The following KLHL11 variants were observed in gnomAD, a reference collection of about 807,000 sequenced individuals.
KLHL11 encodes the protein kelch-like protein 11.
Under a neutral mutation model 56.1 loss-of-function variants are expected in KLHL11, and 26 were observed. That is an observed-to-expected ratio of 0.46 (90% confidence interval 0.34 to 0.64). The LOEUF is 0.64. KLHL11 is among the 30% of genes least tolerant of loss of function. KLHL11 has a pLI of 0.01. For missense variants in KLHL11, 627 were observed against 919.4 expected, an observed-to-expected ratio of 0.68 and a Z score of 4.11; for synonymous variants, 338 against 345.8, an observed-to-expected ratio of 0.98 and a Z score of 0.25.
chr17:41,858,669 G>A (rs1343588365), intron 1 of KLHL11, among the ~76,000 whole-genome samples: 4 of 152,012 alleles, frequency 2.6e-5, no homozygotes, highest in Non-Finnish European at 4.4e-5. Context: ...CTTCACCTCA[G>A]GTGATCCACC....
Position 41,851,632 on chromosome 17 carries a change from G to A in KLHL11, c.*2108C>T, listed in dbSNP as rs2048332725. ...AAAAAAAAAGTTATTTTGAGGCCGG[G>A]CGTGGTGGCTCACACCTAATCCTAG... On this transcript the variant is annotated 3_prime_UTR_variant, in exon 2 of 2. Transcript: ENST00000319121. 1.3e-5 allele frequency among the ~76,000 whole-genome samples: 2 copies of A among 151,816 alleles called. No individual in the cohort carries two copies. Among genetic ancestry groups the A allele is most frequent in the African/African-American group, 4.8e-5 (2 of 41,296 alleles).
chr17:41,863,097 C>T (rs2048414739), intron 1 of KLHL11, among the ~76,000 whole-genome samples: 3 of 152,032 alleles, frequency 2.0e-5, no homozygotes, highest in South Asian at 2.1e-4. Context: ...CCTCCTCAAT[C>T]GAAGCCTCCA....
chr17:41,858,103 C>T (rs1410846192), intron 1 of KLHL11, among the ~76,000 whole-genome samples: 2 of 152,112 alleles, frequency 1.3e-5, no homozygotes, highest in African/African-American at 4.8e-5. Context: ...CAGGCGTGAG[C>T]CACCACGCCC....
In KLHL11 at chr17:41,855,182, G is replaced by A. The variant is rs782140890; in HGVS notation, c.685C>T (p.Arg229Trp). 3.1e-6 allele frequency: 5 copies of A among 1,614,050 alleles called. No homozygotes were observed. Among genetic ancestry groups the A allele is most frequent in the South Asian group, 1.1e-5 (1 of 91,076 alleles). ...QLALKAADMI[R>W]RNFHKVIQDE... is the part of the protein sequence containing the mutation. ...TGAATCACTTTGTGGAAATTTCTCC[G>A]TATCATATCAGCAGCCTTCAGAGCA... The change falls in exon 2 of 2, where the codon CGG becomes TGG. Residue 229 changes from arginine (R) to tryptophan (W), a missense_variant. Arg to Trp is a moderately radical substitution (Grantham distance 101). This residue lies in a region of KLHL11 where 150 missense variants were observed against 215.7 expected (regional missense o/e 0.70). Transcript: ENST00000319121.
At chr17:41,859,679 C>T (rs1232793927) in intron 1 of KLHL11, among the ~76,000 whole-genome samples, 3 of 152,054 alleles carry the variant, frequency 2.0e-5, no homozygotes, top group Non-Finnish European at 4.4e-5. Context: ...AACCTGGGGT[C>T]AGAGGTTGCA....
In KLHL11 at chr17:41,853,859, G is replaced by C; in HGVS notation, c.2008C>G (p.Gln670Glu). ...RIPYRYLHGT[Q>E]RYPMPQNLMW... ...AGGTTTTGAGGCATAGGGTATCTCT[G>C]TGTGCCATGCAAGTACCGGTATGGG... The change falls in exon 2 of 2, where the codon CAG becomes GAG. Residue 670 changes from glutamine (Q) to glutamate (E), a missense_variant. Coordinates refer to ENST00000319121, the MANE Select transcript of KLHL11 (RefSeq NM_018143.3). 6.2e-7 allele frequency: 1 copy of C among 1,614,144 alleles called. No individual in the cohort carries two copies. The highest frequency in any genetic ancestry group is 8.5e-7 in the Non-Finnish European group (1 of 1,180,036).
At chr17:41,862,561 T>C (rs1300004477) in intron 1 of KLHL11, among the ~76,000 whole-genome samples, 9 of 152,040 alleles carry the variant, frequency 5.9e-5, no homozygotes, top group African/African-American at 2.2e-4. Context: ...ATTACTGGCG[T>C]GAGCCACCGC....
rs560312601 is a variant in KLHL11, at chr17:41,863,866, T to C, written c.545+960A>G. Among the ~76,000 whole-genome samples the C allele has an allele frequency of 1.1e-3, 162 of 150,326 alleles. 1 individual carries two copies. Among genetic ancestry groups the C allele is most frequent in the African/African-American group, 3.7e-3 (151 of 41,114 alleles). On this transcript the variant is annotated intron_variant, in intron 1 of 1. Coordinates refer to ENST00000319121, the MANE Select transcript of KLHL11 (RefSeq NM_018143.3). ...GAAAACACTTCCTCTCCCCCAGCAG[T>C]TTCTATGTACTCCCCCCATGCTTTA...
intron 1 of KLHL11, among the ~76,000 whole-genome samples, chr17:41,858,988 C>G (rs2048386004): frequency 6.6e-6 from 1 of 152,056 alleles, no homozygotes; most frequent in African/African-American, 2.4e-5. Context: ...AGAAGGAACG[C>G]CCCCCTTACT....
At chr17:41,863,080 A>G (rs1220942065) in intron 1 of KLHL11, among the ~76,000 whole-genome samples, 4 of 151,576 alleles carry the variant, frequency 2.6e-5, no homozygotes, top group African/African-American at 9.7e-5. Context: ...CATCACCTTT[A>G]CTTCTCCCTC....
Position 41,854,587 on chromosome 17 carries a change from T to C in KLHL11, c.1280A>G (p.Asn427Ser). The change falls in exon 2 of 2, where the codon AAC (asparagine) becomes AGC (serine). Residue 427 changes from asparagine (N) to serine (S), a missense_variant. Coordinates refer to ENST00000319121, the MANE Select transcript of KLHL11 (RefSeq NM_018143.3). This position sits in a 1 kb window ranked among gnomAD's most constrained non-coding sequence, Gnocchi z 4.9. ...PGFAKTVERY[N>S]PNLNTWEHVC... ...ATGTTCCCATGTATTCAAATTTGGG[T>C]TATACCTTTCTACAGTTTTAGCAAA... 6.2e-7 allele frequency: 1 copy of C among 1,614,212 alleles called. No homozygotes were observed. Among genetic ancestry groups the C allele is most frequent in the Non-Finnish European group, 8.5e-7 (1 of 1,180,038 alleles).
rs1454383022 is a variant in KLHL11 at position 41,848,764 on chromosome 17, A to G, written c.*4976T>C. The G allele has an allele frequency of 6.3e-6, 1 of 159,054 alleles. No homozygotes were observed. The highest frequency in any genetic ancestry group is 5.9e-5 in the Admixed American group (1 of 16,904). The allele number at this position is 159,054 out of a possible 1,614,324, so 9.9% of individuals were successfully genotyped here. A position where few individuals can be genotyped will look rare whatever the true frequency, so the allele number is the denominator to read the frequency against. On this transcript the variant is annotated 3_prime_UTR_variant, in exon 2 of 2. Transcript: ENST00000319121. ...CTCAAACTAAATGTTTATTTTACAA[A>G]TAACTCAACGAGCCCAAGCACACGG...
At chr17:41,856,863 T>C (rs2048369783) in intron 1 of KLHL11, among the ~76,000 whole-genome samples, 1 of 150,528 alleles carries the variant, frequency 6.6e-6, no homozygotes, top group South Asian at 2.1e-4. Context: ...CTAATAAAAA[T>C]ACAAAAATTA....
At chr17:41,859,395 C>T (rs887716190) in intron 1 of KLHL11, among the ~76,000 whole-genome samples, 2 of 151,982 alleles carry the variant, frequency 1.3e-5, no homozygotes, top group African/African-American at 4.8e-5. Flanking sequence ...GAAACCCCGT[C>T]TCTACTAAAA....
At chr17:41,859,725 G>A (rs1415458960) in intron 1 of KLHL11, among the ~76,000 whole-genome samples, 1 of 152,106 alleles carries the variant, frequency 6.6e-6, no homozygotes, top group African/African-American at 2.4e-5. Context: ...TCCATCCTGG[G>A]CGACATAGTA....
chr17:41,850,715 T>G lies in KLHL11; in HGVS notation c.*3025A>C, dbSNP rs2048327735. 1 of 152,160 alleles carries G rather than the reference T, an allele frequency of 6.6e-6. No homozygotes were observed. Among genetic ancestry groups the G allele is most frequent in the South Asian group, 2.1e-4 (1 of 4,828 alleles). 9.4% of individuals were successfully genotyped at this position (152,160 alleles called of 1,614,324 possible). A position where few individuals can be genotyped will look rare whatever the true frequency, so the allele number is the denominator to read the frequency against. ...TAGTGCTTCTCAGAATCCAAATGGCTTTTACTAAAATAACTACAAAGAAAT... is the reference window on the plus strand; with the variant it reads ...TAGTGCTTCTCAGAATCCAAATGGCGTTTACTAAAATAACTACAAAGAAAT... On this transcript the variant is annotated 3_prime_UTR_variant, in exon 2 of 2. Transcript: ENST00000319121.
intron 1 of KLHL11, among the ~76,000 whole-genome samples, chr17:41,863,738 G>A (rs1161846773): frequency 6.6e-6 from 1 of 152,078 alleles, no homozygotes; most frequent in African/African-American, 2.4e-5. Flanking sequence ...CTCCACCTCA[G>A]AGCCTCTGTA....
rs782058445 is a variant in KLHL11 at position 41,853,746 on chromosome 17, T to C, written c.2121A>G (p.Glu707=). Residue 707 remains glutamate (E), a synonymous_variant, in exon 2 of 2, where the codon GAA becomes GAG. Coordinates refer to ENST00000319121, the MANE Select transcript of KLHL11 (RefSeq NM_018143.3). Reference sequence around the variant, plus strand: ...TCGGCACGCTTGAGAGAACCTAGCATTCAATCTGAGAGCTTGGCACTCGCC... The same window carrying C: ...TCGGCACGCTTGAGAGAACCTAGCACTCAATCTGAGAGCTTGGCACTCGCC... ...NMRRVPSSQI[E]C The C allele has an allele frequency of 6.2e-7, 1 of 1,607,438 alleles. No homozygotes were observed. The highest frequency in any genetic ancestry group is 1.7e-4 in the Middle Eastern group (1 of 6,006).
rs1401853923 is a variant in KLHL11, at chr17:41,853,252, G to C, written c.*488C>G. Among the ~76,000 whole-genome samples the C allele has an allele frequency of 6.6e-6, 1 of 152,138 alleles. No individual in the cohort carries two copies. The highest frequency in any genetic ancestry group is 1.5e-5 in the Non-Finnish European group (1 of 68,032). On this transcript the variant is annotated 3_prime_UTR_variant, in exon 2 of 2. Transcript: ENST00000319121. The stretch of plus-strand genomic sequence containing the variant: ...TCAAATTATCTTGCTGAAATATTGA[G>C]TGTTTTCATTCAAATTTCAGTCTCA...
Sources: allele counts gnomAD v4.1 joint callset (sites outside exome capture counted in the v4.1 genomes callset), GRCh38; gene constraint gnomAD v4.1.1; regional missense constraint gnomAD v4.1.1; non-coding constraint Gnocchi (gnomAD v3.1); transcripts MANE v1.5; gene names NCBI Gene and HGNC (gene_info 2026-07-23, HGNC 2026-07-21).